Variants in ATAD2 observed in about 807,000 individuals in gnomAD.
The protein encoded by ATAD2 is ATPase family AAA domain-containing protein 2.
In ATAD2, 62 loss-of-function variants were observed where a neutral mutation model predicts 168.9. The observed-to-expected ratio is 0.37, with a 90% CI of 0.30 to 0.45. The LOEUF is 0.45. ATAD2 is among the 20% of genes least tolerant of loss of function. The probability of loss-of-function intolerance (pLI) is 1.00; values close to 1 mark genes in which losing one functional copy is unlikely to be tolerated. For missense variants in ATAD2, 1,419 were observed against 1,667.8 expected (o/e 0.85, Z 2.60); for synonymous variants, 613 against 571.6 (o/e 1.07, Z -1.03).
rs563189881 is a variant in ATAD2, at chr8:123,327,203, C to T, written c.3868+987G>A. On this transcript the variant is annotated intron_variant, in intron 25 of 27. Coordinates refer to ENST00000287394, the MANE Select transcript of ATAD2 (RefSeq NM_014109.4). ...ACAAGTGTGAGCCACCACGCCTGAC[C>T]GTGAAGAGAGACTTTTCTAAGGATA... is the stretch of plus-strand genomic sequence containing the variant. Among the ~76,000 whole-genome samples, 13 of 152,214 alleles carry T rather than the reference C, an allele frequency of 8.5e-5. No individual in the cohort carries two copies. The East Asian group carries it at 1.9e-3, about 23-fold the overall frequency.
intron 15 of ATAD2, 74 bp from the exon 16 acceptor site, chr8:123,347,480 C>A: frequency 2.2e-6 from 3 of 1,354,858 alleles, no homozygotes; most frequent in Non-Finnish European, 2.0e-6. Flanking sequence ...TTAGCATGAC[C>A]ATGGTTAAAA....
chr8:123,348,342 G>T, intron 14 of ATAD2, 69 bp from the exon 15 acceptor site: 1 of 1,184,396 alleles, frequency 8.4e-7, no homozygotes, highest in South Asian at 1.5e-5. Context: ...CATTAATTTT[G>T]ATTAAAATAC....
chr8:123,360,456 C>T (rs1038345663), intron 9 of ATAD2, among the ~76,000 whole-genome samples: 1 of 152,190 alleles, frequency 6.6e-6, no homozygotes, highest in African/African-American at 2.4e-5. Context: ...ATTCTCCTGC[C>T]TCAGCCTCCT....
intron 1 of ATAD2, among the ~76,000 whole-genome samples, chr8:123,395,301 A>T (rs1812771490): frequency 6.6e-6 from 1 of 152,112 alleles, no homozygotes; most frequent in African/African-American, 2.4e-5. Flanking sequence ...GGCCTCTTTC[A>T]GCAGCTGGGG....
At chr8:123,415,380 G>C (rs1813241625) in intron 1 of ATAD2, among the ~76,000 whole-genome samples, 1 of 152,224 alleles carries the variant, frequency 6.6e-6, no homozygotes, top group Non-Finnish European at 1.5e-5. Flanking sequence ...TGTGCTCCAA[G>C]TCTTTAGGAT....
chr8:123,348,498 G>A (rs556654561), intron 14 of ATAD2, among the ~76,000 whole-genome samples: 7 of 152,232 alleles, frequency 4.6e-5, no homozygotes, highest in African/African-American at 1.7e-4. Flanking sequence ...CCAACATGGT[G>A]AAAACCACTC....
chr8:123,328,577 G>A lies in ATAD2; in HGVS notation c.3481C>T (p.Gln1161Ter). The stretch of plus-strand genomic sequence containing the variant: ...TTTTTGCGAATTTTCCTCTTCAACT[G>A]AGCTTCAAGAAATTTAAAGAAAAAT... ...STPVACSTPA[Q>*]LKRKIRKKSN... is the part of the protein sequence containing the mutation. The change falls in exon 25 of 28, where the codon CAG (glutamine) becomes TAG (stop). Residue 1161 changes from glutamine (Q) to a stop codon, truncating the protein, a stop_gained and splice_region_variant. Transcript: ENST00000287394. LOFTEE classifies it high-confidence loss of function. The A allele has an allele frequency of 6.6e-7, 1 of 1,509,822 alleles. No homozygotes were observed. Among genetic ancestry groups the A allele is most frequent in the Non-Finnish European group, 8.8e-7 (1 of 1,131,298 alleles). The allele number at this position is 1,509,822 out of a possible 1,614,324, so 93.5% of individuals were successfully genotyped here.
chr8:123,399,249 A>G (rs1283799964), upstream of ATAD2, among the ~76,000 whole-genome samples: 10 of 150,676 alleles, frequency 6.6e-5, no homozygotes, highest in African/African-American at 2.2e-4. Flanking sequence ...CGACACAGCA[A>G]GACTCCGTCT....
chr8:123,373,245 T>C lies in ATAD2; in HGVS notation c.321-559A>G, dbSNP rs182772050. ...TGGGGCGGGGGGGGTCTCGCTTTTT[T>C]GTCCAGGTTGGTCTTGAACTCCTGG... On this transcript the variant is annotated intron_variant, in intron 2 of 27. Coordinates refer to ENST00000287394, the MANE Select transcript of ATAD2 (RefSeq NM_014109.4). 9.9e-5 allele frequency among the ~76,000 whole-genome samples: 15 copies of C among 151,976 alleles called. No homozygotes were observed. The East Asian group carries it at 2.1e-3, about 22-fold the overall frequency.
At chr8:123,362,417 T>C (rs912096717) in intron 8 of ATAD2, among the ~76,000 whole-genome samples, 1 of 151,798 alleles carries the variant, frequency 6.6e-6, no homozygotes, top group African/African-American at 2.4e-5. Context: ...CAAATAACTT[T>C]TTTTTTTTTT....
rs1813024414 is a variant in ATAD2 at position 123,402,844 on chromosome 8, A to AT, written c.-2281-1670_-2281-1669insA. ...AATAATAATAATAATAATAATAATAAAAATCAACACACTACACACAGCTTC... is the reference window on the plus strand; with the variant it reads ...AATAATAATAATAATAATAATAATAATAAATCAACACACTACACACAGCTTC... On this transcript the variant is annotated intron_variant, in intron 1 of 28. Coordinates refer to the ATAD2 transcript ENST00000521903. This position sits in a 1 kb window ranked among gnomAD's most constrained non-coding sequence, Gnocchi z 4.8. Among the ~76,000 whole-genome samples, 1 of 151,872 alleles carries AT rather than the reference A, an allele frequency of 6.6e-6. No homozygotes were observed. Among genetic ancestry groups the AT allele is most frequent in the African/African-American group, 2.4e-5 (1 of 41,332 alleles).
At chr8:123,348,337 A>C in intron 14 of ATAD2, 64 bp from the exon 15 acceptor site, 1 of 1,208,406 alleles carries the variant, frequency 8.3e-7, no homozygotes, top group Non-Finnish European at 1.2e-6. Context: ...GATTACATTA[A>C]TTTTGATTAA....
At chr8:123,398,942 G>A (rs184384579), upstream of ATAD2, among the ~76,000 whole-genome samples, 1 of 152,336 alleles carries the variant, frequency 6.6e-6, no homozygotes, top group East Asian at 1.9e-4. Context: ...TTAAAAAGTA[G>A]CAGAGTTTAC....
At chr8:123,325,805 C>T in intron 26 of ATAD2, 88 bp downstream of exon 26, 1 of 1,499,520 alleles carries the variant, frequency 6.7e-7, no homozygotes, top group Non-Finnish European at 9.1e-7. Context: ...ATGTAAATCC[C>T]ATGTAGCCAG....
intron 26 of ATAD2, among the ~76,000 whole-genome samples, chr8:123,323,897 AAT>A (rs1214784572): frequency 1.3e-5 from 2 of 152,192 alleles, no homozygotes; most frequent in Non-Finnish European, 2.9e-5. Flanking sequence ...AGTAAATTGA[AAT>A]AGTCTCAGTA....
In ATAD2 at chr8:123,369,010, T is replaced by C. The variant is rs745479262; in HGVS notation, c.1049+48A>G. 6.8e-6 allele frequency: 8 copies of C among 1,179,234 alleles called. No individual in the cohort carries two copies. In the Admixed American group the frequency reaches 1.5e-4, roughly 23 times the overall value. 73.0% of individuals were successfully genotyped at this position (1,179,234 alleles called of 1,614,324 possible). On this transcript the variant is annotated intron_variant, in intron 8 of 27. Coordinates refer to ENST00000287394, the MANE Select transcript of ATAD2 (RefSeq NM_014109.4). ...GAAAGTCTAGAGTCCAGCCCTAACA[T>C]AAAAACAATTATGTTGTCATAAATC...
In ATAD2 at chr8:123,328,350, T is replaced by C. The variant is rs746561297; in HGVS notation, c.3708A>G (p.Lys1236=). 3.3e-5 allele frequency: 53 copies of C among 1,606,908 alleles called. No homozygotes were observed. The highest frequency in any genetic ancestry group is 4.1e-5 in the Non-Finnish European group (48 of 1,177,956). Reference sequence around the variant, plus strand: ...TATTTGAATTATTTCTCAATTCCAGTTTGCTTTCAGAGGCATTTTGCTGTT... The same window carrying C: ...TATTTGAATTATTTCTCAATTCCAGCTTGCTTTCAGAGGCATTTTGCTGTT... ...NEKQQNASES[K]LELRNNSNTC... The change falls in exon 25 of 28, where the codon AAA becomes AAG. Residue 1236 remains lysine (K), a synonymous_variant. Coordinates refer to ENST00000287394, the MANE Select transcript of ATAD2 (RefSeq NM_014109.4).
intron 1 of ATAD2, 141 bp from the exon 2 acceptor site, chr8:123,380,818 C>T (rs1829473591): frequency 6.8e-6 from 5 of 735,544 alleles, no homozygotes; most frequent in Non-Finnish European, 1.1e-5. Context: ...CAAGAAACTA[C>T]AAGTTAGTAT....
chr8:123,337,917 C>G, intron 20 of ATAD2, 96 bp from the exon 21 acceptor site: 2 of 1,166,662 alleles, frequency 1.7e-6, no homozygotes, highest in Non-Finnish European at 2.4e-6. Flanking sequence ...GAGGGATTAT[C>G]TTCCTCATAT....
Sources: gnomAD v4.1 joint callset for allele counts (sites outside exome capture counted in the v4.1 genomes callset) on GRCh38, gnomAD v4.1.1 for gene constraint, Gnocchi (gnomAD v3.1) non-coding constraint, MANE v1.5 for transcripts, NCBI Gene and HGNC (gene_info 2026-07-23, HGNC 2026-07-21) for gene names.